Variants in PARD3B observed in about 807,000 individuals in gnomAD.
PARD3B encodes par-3 family cell polarity regulator beta.
In PARD3B, 103 loss-of-function variants were observed where a neutral mutation model predicts 130.2. That is an observed-to-expected ratio of 0.79 (90% CI 0.67 to 0.93). The LOEUF is 0.93. Ranked by LOEUF, PARD3B falls within the 40% of genes least tolerant of loss-of-function variation. The probability of loss-of-function intolerance (pLI) is 0.00; values close to 1 mark genes in which losing one functional copy is unlikely to be tolerated. For synonymous variants in PARD3B, 583 were observed against 553.2 expected, an observed-to-expected ratio of 1.05 and a Z score of -0.76; for missense variants, 1,609 against 1,499.2, an observed-to-expected ratio of 1.07 and a Z score of -1.21.
At chr2:205,527,659 C>T (rs1332496327) in intron 21 of PARD3B, among the ~76,000 whole-genome samples, 1 of 152,196 alleles carries the variant, frequency 6.6e-6, no homozygotes, top group Non-Finnish European at 1.5e-5. Context: ...AAGGCAATAA[C>T]CTTCATCAGG....
intron 20 of PARD3B, among the ~76,000 whole-genome samples, chr2:205,479,545 A>G (rs4416196): frequency 0.58 from 87,582 of 151,892 alleles, 25,484 homozygotes; most frequent in Admixed American, 0.66. Flanking sequence ...TTCCTCCAGG[A>G]AGGGTTCATG....
intron 3 of PARD3B, among the ~76,000 whole-genome samples, chr2:204,986,722 A>G (rs1248483267): frequency 6.6e-6 from 1 of 152,208 alleles, no homozygotes; most frequent in Non-Finnish European, 1.5e-5. Context: ...AGCAGCTAGA[A>G]GAGTAATTTT....
rs1037826378 is a variant in PARD3B, at chr2:205,301,279, C to T, written c.2393-185C>T. ...AACCGGTTGTCCCCACTCCCAGCAT[C>T]AAGTCTTGCTCGAAGTAACCAGATT... On this transcript the variant is annotated intron_variant, in intron 17 of 22. Transcript: ENST00000406610. This position sits in a 1 kb window ranked among gnomAD's most constrained non-coding sequence, Gnocchi z 5.2. Among the ~76,000 whole-genome samples the T allele has an allele frequency of 5.9e-5, 9 of 152,218 alleles. No homozygotes were observed. The highest frequency in any genetic ancestry group is 1.0e-4 in the Non-Finnish European group (7 of 68,048).
intron 20 of PARD3B, among the ~76,000 whole-genome samples, chr2:205,442,492 A>G (rs559183685): frequency 3.9e-5 from 6 of 152,080 alleles, no homozygotes; most frequent in Non-Finnish European, 7.4e-5. Context: ...TAGTAGAGAC[A>G]GGGTTTCACT....
intron 1 of PARD3B, among the ~76,000 whole-genome samples, chr2:204,649,105 A>C (rs1468476641): frequency 2.1e-5 from 3 of 144,120 alleles, no homozygotes; most frequent in Admixed American, 7.4e-5. Flanking sequence ...CTTTAAAATA[A>C]GACAATTTTA....
At chr2:204,737,841 A>C (rs2039827305) in intron 2 of PARD3B, among the ~76,000 whole-genome samples, 1 of 152,066 alleles carries the variant, frequency 6.6e-6, no homozygotes, top group South Asian at 2.1e-4. Context: ...TCCCCAATTC[A>C]TGTTTTTGTA....
chr2:204,898,264 T>C (rs2046717252), intron 2 of PARD3B, among the ~76,000 whole-genome samples: 1 of 152,098 alleles, frequency 6.6e-6, no homozygotes, highest in Non-Finnish European at 1.5e-5. Context: ...ACAAGGTAAA[T>C]GGAGTATCCA....
At chr2:204,898,776 T>C (rs746932917) in intron 2 of PARD3B, among the ~76,000 whole-genome samples, 17 of 152,198 alleles carry the variant, frequency 1.1e-4, no homozygotes, top group Non-Finnish European at 2.2e-4. Flanking sequence ...TATCTAATAA[T>C]ATTTGCTTTA....
At chr2:205,503,276 T>C (rs2050225945) in intron 21 of PARD3B, among the ~76,000 whole-genome samples, 1 of 152,136 alleles carries the variant, frequency 6.6e-6, no homozygotes, top group Non-Finnish European at 1.5e-5. Context: ...GGTATTAGCT[T>C]CTATATGTAC....
chr2:205,039,607 A>G (rs1698251819), intron 3 of PARD3B, among the ~76,000 whole-genome samples: 1 of 151,846 alleles, frequency 6.6e-6, no homozygotes, highest in Non-Finnish European at 1.5e-5. Flanking sequence ...GGTAGCTGCA[A>G]TTACAGGTGT....
intron 1 of PARD3B, among the ~76,000 whole-genome samples, chr2:204,596,555 G>A (rs1275971602): frequency 1.3e-5 from 2 of 152,130 alleles, no homozygotes; most frequent in Non-Finnish European, 2.9e-5. Context: ...TTGTAGAAAA[G>A]TATATGAAGT....
chr2:204,756,111 T>C (rs575787480), intron 2 of PARD3B, among the ~76,000 whole-genome samples: 62 of 152,118 alleles, frequency 4.1e-4, no homozygotes, highest in Non-Finnish European at 8.2e-4. Context: ...ATTGCAGTCA[T>C]TGAGTTTCTA....
At chr2:205,475,372 A>G (rs2048990214) in intron 20 of PARD3B, among the ~76,000 whole-genome samples, 1 of 152,170 alleles carries the variant, frequency 6.6e-6, no homozygotes, top group Admixed American at 6.6e-5. Flanking sequence ...CATATTTGAC[A>G]TTGAAAGCTC....
At chr2:204,598,088 T>A (rs2033369814) in intron 1 of PARD3B, among the ~76,000 whole-genome samples, 1 of 152,184 alleles carries the variant, frequency 6.6e-6, no homozygotes, top group Non-Finnish European at 1.5e-5. Context: ...AATTAAAAGT[T>A]AAACTCAGAT....
At chr2:205,203,819 A>C (rs557015680) in intron 15 of PARD3B, among the ~76,000 whole-genome samples, 1 of 152,352 alleles carries the variant, frequency 6.6e-6, no homozygotes, top group South Asian at 2.1e-4. Flanking sequence ...TCCATGGTGC[A>C]TGTGTGCCAC....
chr2:205,219,441 A>C (rs966021584), intron 15 of PARD3B, among the ~76,000 whole-genome samples: 4 of 152,210 alleles, frequency 2.6e-5, no homozygotes, highest in African/African-American at 2.4e-5. Flanking sequence ...CTGGATGACA[A>C]CTTTTCAAAA....
chr2:205,157,571 C>A (rs998806180), intron 10 of PARD3B, among the ~76,000 whole-genome samples: 1 of 152,072 alleles, frequency 6.6e-6, no homozygotes, highest in African/African-American at 2.4e-5. Context: ...ATTATGGGTT[C>A]TTTGCTACTT....
intron 18 of PARD3B, among the ~76,000 whole-genome samples, chr2:205,395,084 CT>C (rs1234181075): frequency 6.6e-6 from 1 of 152,174 alleles, no homozygotes; most frequent in African/African-American, 2.4e-5. Context: ...CTCTCTTTTC[CT>C]TTCAGCAACT....
At chr2:205,020,981 GAAATT>G (rs995579233) in intron 3 of PARD3B, among the ~76,000 whole-genome samples, 11 of 152,148 alleles carry the variant, frequency 7.2e-5, no homozygotes, top group South Asian at 2.1e-4. Context: ...AGTTGAACTG[GAAATT>G]TGACCAGGAA....
Sources: gnomAD v4.1 joint callset for allele counts (sites outside exome capture counted in the v4.1 genomes callset) on GRCh38, gnomAD v4.1.1 for gene constraint, Gnocchi (gnomAD v3.1) non-coding constraint, MANE v1.5 for transcripts, NCBI Gene and HGNC (gene_info 2026-07-23, HGNC 2026-07-21) for gene names.